The following KIAA1217 variants were observed in gnomAD, a reference collection of about 807,000 sequenced individuals.
The protein encoded by KIAA1217 is sickle tail protein homolog.
KIAA1217 carries 88 observed loss-of-function variants against 163.9 expected under a neutral mutation model. The observed-to-expected ratio is 0.54, with a 90% confidence interval of 0.45 to 0.64. The LOEUF (loss-of-function observed/expected upper bound fraction) is 0.64. KIAA1217 is among the 30% of genes least tolerant of loss of function. The pLI, the probability that KIAA1217 is intolerant of heterozygous loss-of-function variation, is 0.00. For missense variants in KIAA1217, 2,372 were observed against 2,475.0 expected (o/e 0.96, Z 0.88); for synonymous variants, 903 against 923.1 (o/e 0.98, Z 0.39).
At chr10:24,358,350 C>T (rs191707340) in intron 2 of KIAA1217, among the ~76,000 whole-genome samples, 264 of 152,216 alleles carry the variant, frequency 1.7e-3, no homozygotes, top group Middle Eastern at 3.4e-3. Context: ...CTTGCAGAGA[C>T]GACCTGGGTC....
intron 2 of KIAA1217, among the ~76,000 whole-genome samples, chr10:24,186,581 G>T (rs1247649375): frequency 6.6e-6 from 1 of 152,070 alleles, no homozygotes; most frequent in Non-Finnish European, 1.5e-5. Context: ...GATCTTTGTT[G>T]TATCTCCCAT....
intron 1 of KIAA1217, among the ~76,000 whole-genome samples, chr10:23,903,403 C>A (rs1370280420): frequency 6.6e-6 from 1 of 152,050 alleles, no homozygotes; most frequent in South Asian, 2.1e-4. Context: ...GCCCATCATA[C>A]CTATTTAACC....
At chr10:24,015,177 C>T (rs1177450491) in intron 2 of KIAA1217, among the ~76,000 whole-genome samples, 3 of 152,074 alleles carry the variant, frequency 2.0e-5, no homozygotes, top group Non-Finnish European at 2.9e-5. Context: ...CCTGATTCCT[C>T]CAAATCATTT....
chr10:23,960,324 T>G (rs748763123), intron 1 of KIAA1217, among the ~76,000 whole-genome samples: 1 of 150,668 alleles, frequency 6.6e-6, no homozygotes, highest in African/African-American at 2.5e-5. Context: ...AGTGGTGAGA[T>G]CTCGGCTTAC....
intron 2 of KIAA1217, among the ~76,000 whole-genome samples, chr10:24,250,085 C>G (rs2074295264): frequency 6.6e-6 from 1 of 152,150 alleles, no homozygotes; most frequent in Non-Finnish European, 1.5e-5. Context: ...TGGCAATACT[C>G]TCAAAAAGGC....
At chr10:23,974,001 G>C (rs1434964860) in intron 1 of KIAA1217, among the ~76,000 whole-genome samples, 1 of 152,182 alleles carries the variant, frequency 6.6e-6, no homozygotes, top group Non-Finnish European at 1.5e-5. Flanking sequence ...AAAAGGATGA[G>C]ACTGCTTTGG....
chr10:23,735,065 C>T (rs181767188), intron 1 of KIAA1217, among the ~76,000 whole-genome samples: 257 of 151,882 alleles, frequency 1.7e-3, no homozygotes, highest in South Asian at 0.012. Flanking sequence ...TAAAAAAAAT[C>T]GTTATTATTT....
intron 5 of KIAA1217, among the ~76,000 whole-genome samples, chr10:24,472,055 G>A (rs1294198571): frequency 1.3e-5 from 2 of 152,230 alleles, no homozygotes; most frequent in South Asian, 2.1e-4. Flanking sequence ...AATCAAGTAA[G>A]CTAGAGAAAA....
At chr10:24,098,273 G>A (rs1000920121) in intron 2 of KIAA1217, among the ~76,000 whole-genome samples, 2 of 152,006 alleles carry the variant, frequency 1.3e-5, no homozygotes, top group African/African-American at 2.4e-5. Flanking sequence ...GCTGAGATTC[G>A]CACCTAACTG....
intron 15 of KIAA1217, 73 bp downstream of exon 15, chr10:24,532,066 G>C (rs1324889162): frequency 1.5e-6 from 2 of 1,324,694 alleles, no homozygotes; most frequent in East Asian, 2.7e-5. Flanking sequence ...TCTCTCTGTT[G>C]GAACATAAAA....
chr10:23,838,806 T>C (rs1838621565), intron 1 of KIAA1217, among the ~76,000 whole-genome samples: 1 of 152,228 alleles, frequency 6.6e-6, no homozygotes, highest in Non-Finnish European at 1.5e-5. Flanking sequence ...CTTTTTTTCT[T>C]TTCTCATACA....
intron 2 of KIAA1217, among the ~76,000 whole-genome samples, chr10:24,041,432 G>A (rs1425197485): frequency 6.6e-6 from 1 of 152,192 alleles, no homozygotes; most frequent in Non-Finnish European, 1.5e-5. Context: ...AGCACGCTAA[G>A]TACAAGTATT....
intron 1 of KIAA1217, among the ~76,000 whole-genome samples, chr10:23,983,202 G>C (rs1182054033): frequency 6.6e-6 from 1 of 152,050 alleles, no homozygotes; most frequent in African/African-American, 2.4e-5. Context: ...CAGTGGGATG[G>C]GATGCATATT....
intron 1 of KIAA1217, among the ~76,000 whole-genome samples, chr10:23,703,377 G>A (rs1279767580): frequency 5.3e-5 from 8 of 152,112 alleles, no homozygotes; most frequent in Non-Finnish European, 1.0e-4. Flanking sequence ...ATACCATGGC[G>A]TCCCATCTGC....
chr10:24,403,101 C>G (rs75383944), intron 3 of KIAA1217, among the ~76,000 whole-genome samples: 20,079 of 152,096 alleles, frequency 0.13, 1,502 homozygotes, highest in South Asian at 0.29. Context: ...GAAAACCATA[C>G]AACTTTTAGA....
chr10:24,006,451 G>C (rs1847001626), intron 1 of KIAA1217, among the ~76,000 whole-genome samples: 1 of 152,028 alleles, frequency 6.6e-6, no homozygotes, highest in East Asian at 1.9e-4. Flanking sequence ...GCCTTATTCT[G>C]TGAGCCCCCA....
chr10:23,936,431 C>T (rs78378097), intron 1 of KIAA1217, among the ~76,000 whole-genome samples: 12,093 of 152,166 alleles, frequency 0.079, 910 homozygotes, highest in African/African-American at 0.19. Flanking sequence ...ACCTCATTTG[C>T]GCTCTTGCAA....
chr10:24,050,352 C>G (rs28367454), intron 2 of KIAA1217, among the ~76,000 whole-genome samples: 59,555 of 151,908 alleles, frequency 0.39, 12,768 homozygotes, highest in Non-Finnish European at 0.48. Context: ...GCCATTGCTT[C>G]TGGTGTTTTA....
At chr10:24,154,514 A>G (rs976642369) in intron 2 of KIAA1217, among the ~76,000 whole-genome samples, 3 of 152,178 alleles carry the variant, frequency 2.0e-5, no homozygotes, top group Non-Finnish European at 2.9e-5. Flanking sequence ...ATATAAAAGC[A>G]CTTAGTGCAT....
Sources: gnomAD v4.1 joint callset for allele counts (sites outside exome capture counted in the v4.1 genomes callset) on GRCh38, gnomAD v4.1.1 for gene constraint, MANE v1.5 for transcripts, NCBI Gene and HGNC (gene_info 2026-07-23, HGNC 2026-07-21) for gene names.